PELI1: variants seen among roughly 807,000 people sequenced by gnomAD.
The protein encoded by PELI1 is pellino E3 ubiquitin protein ligase 1.
In PELI1, 15 loss-of-function variants were observed where a neutral mutation model predicts 41.3. The ratio of observed to expected loss-of-function variants is 0.36; its 90% CI spans 0.24 to 0.56. The LOEUF is 0.56. Ranked by LOEUF, PELI1 falls within the 20% of genes least tolerant of loss-of-function variation. The probability of loss-of-function intolerance (pLI) is 0.82; values close to 1 mark genes in which losing one functional copy is unlikely to be tolerated. For missense variants in PELI1, 403 were observed against 525.5 expected (o/e 0.77, Z 2.28); for synonymous variants, 178 against 180.1 (o/e 0.99, Z 0.09).
chr2:64,109,146 C>G (rs1407082423), intron 1 of PELI1, among the ~76,000 whole-genome samples: 2 of 152,182 alleles, frequency 1.3e-5, no homozygotes, highest in African/African-American at 4.8e-5. Context: ...CTTCCACCCC[C>G]ACCCAGCAAT....
intron 1 of PELI1, among the ~76,000 whole-genome samples, chr2:64,114,388 A>C (rs1427898707): frequency 3.9e-5 from 6 of 152,206 alleles, no homozygotes; most frequent in Admixed American, 3.9e-4. Flanking sequence ...AGCAGGAGTA[A>C]CACATAGCAT....
chr2:64,132,170 C>T (rs1239288460), intron 1 of PELI1, among the ~76,000 whole-genome samples: 1 of 152,060 alleles, frequency 6.6e-6, no homozygotes, highest in Non-Finnish European at 1.5e-5. Context: ...TCTTGAGTAC[C>T]TACTTTATGC....
At chr2:64,102,559 A>T (rs1345598433) in intron 3 of PELI1, among the ~76,000 whole-genome samples, 1 of 152,184 alleles carries the variant, frequency 6.6e-6, no homozygotes, top group African/African-American at 2.4e-5. Flanking sequence ...CTTTTCAATG[A>T]AACAATTACT....
At chr2:64,141,394 G>C (rs1681910484) in intron 1 of PELI1, among the ~76,000 whole-genome samples, 1 of 141,978 alleles carries the variant, frequency 7.0e-6, no homozygotes, top group Non-Finnish European at 1.5e-5. Context: ...AAATATATCT[G>C]TATAATAAAA....
intron 1 of PELI1, among the ~76,000 whole-genome samples, chr2:64,138,372 G>A (rs965039277): frequency 2.1e-4 from 32 of 152,108 alleles, no homozygotes; most frequent in Non-Finnish European, 2.1e-4. Context: ...ACCTCCTTCA[G>A]GTCATTACTC....
chr2:64,095,127 C>T lies in PELI1; in HGVS notation c.832G>A (p.Ala278Thr), dbSNP rs1228040753. The change falls in exon 7 of 7, where the codon GCA becomes ACA. Residue 278 changes from alanine to threonine, a missense_variant. By Grantham distance (58) the Ala-to-Thr change is moderately conservative (BLOSUM62 0). Coordinates refer to ENST00000358912, the MANE Select transcript of PELI1 (RefSeq NM_020651.4). Reference protein sequence around the residue: ...LEALRQEINAARPQCPVGFNT... With the variant: ...LEALRQEINATRPQCPVGFNT... ...AACCCTACAGGGCACTGAGGTCGTG[C>T]TGCATTGATTTCCTGTCTTAAAGCT... 1.9e-6 allele frequency: 3 copies of T among 1,614,126 alleles called. No individual in the cohort carries two copies. In the South Asian group the frequency reaches 3.3e-5, roughly 18 times the overall value.
chr2:64,095,477 ATG>A (rs1265377389), intron 6 of PELI1, among the ~76,000 whole-genome samples: 2 of 152,216 alleles, frequency 1.3e-5, no homozygotes, highest in Non-Finnish European at 2.9e-5. Context: ...TTTTAGCCTT[ATG>A]GTAAAGACAA....
chr2:64,094,378 A>C lies in PELI1; in HGVS notation c.*324T>G, dbSNP rs1680152953. 4.5e-6 allele frequency: 1 copy of C among 220,654 alleles called. No individual in the cohort carries two copies. Among genetic ancestry groups the C allele is most frequent in the South Asian group, 9.5e-5 (1 of 10,558 alleles). 13.7% of individuals were successfully genotyped at this position (220,654 alleles called of 1,614,324 possible). On this transcript the variant is annotated 3_prime_UTR_variant, in exon 7 of 7. Transcript: ENST00000358912. ...CATAGTTTGAACCAACAGTACCCTC[A>C]GTTATACAAAACAATTTCAGCACTG... is the stretch of plus-strand genomic sequence containing the variant.
chr2:64,122,355 A>C (rs1169903284), intron 1 of PELI1, among the ~76,000 whole-genome samples: 7 of 150,902 alleles, frequency 4.6e-5, no homozygotes, highest in Admixed American at 1.3e-4. Flanking sequence ...AAAAAAAAAA[A>C]AAAAAACTCC....
At chr2:64,135,038 C>T (rs1241460039) in intron 1 of PELI1, among the ~76,000 whole-genome samples, 1 of 151,962 alleles carries the variant, frequency 6.6e-6, no homozygotes, top group Admixed American at 6.6e-5. Flanking sequence ...TCTTGACTGT[C>T]AAAGAGATGC....
chr2:64,106,008 T>A (rs1015027041), intron 2 of PELI1, among the ~76,000 whole-genome samples: 3 of 152,338 alleles, frequency 2.0e-5, no homozygotes, highest in African/African-American at 7.2e-5. Flanking sequence ...GAAACTACAT[T>A]GACCCTTTAT....
chr2:64,097,627 G>A (rs1047453681), intron 4 of PELI1, among the ~76,000 whole-genome samples: 1 of 152,178 alleles, frequency 6.6e-6, no homozygotes, highest in Non-Finnish European at 1.5e-5. Context: ...CAAACATTTG[G>A]AAATTATCAG....
intron 1 of PELI1, among the ~76,000 whole-genome samples, chr2:64,133,216 T>TAC (rs1681608758): frequency 6.6e-6 from 1 of 152,204 alleles, no homozygotes; most frequent in Admixed American, 6.5e-5. Flanking sequence ...CCATGAGTTT[T>TAC]CTTCAATCAT....
intron 1 of PELI1, among the ~76,000 whole-genome samples, chr2:64,142,952 T>TA (rs1356779845): frequency 6.6e-6 from 1 of 152,206 alleles, no homozygotes; most frequent in Non-Finnish European, 1.5e-5. Context: ...TTCTTATATA[T>TA]AAAGCTTCAG....
Position 64,093,683 on chromosome 2 carries a change from C to A in PELI1, c.*1019G>T, listed in dbSNP as rs1680128031. 6.6e-6 allele frequency: 1 copy of A among 152,638 alleles called. No homozygotes were observed. Among genetic ancestry groups the A allele is most frequent in the Non-Finnish European group, 1.5e-5 (1 of 68,042 alleles). The allele number at this position is 152,638 out of a possible 1,614,324, so 9.5% of individuals were successfully genotyped here. ...TATTGTCATTCAACCCTTTAGATCT[C>A]TAGATTTCCTAATGCCCGAATAAGG... is the stretch of plus-strand genomic sequence containing the variant. On this transcript the variant is annotated 3_prime_UTR_variant, in exon 7 of 7. Transcript: ENST00000358912.
At chr2:64,133,018 C>A (rs1681602771) in intron 1 of PELI1, among the ~76,000 whole-genome samples, 1 of 152,172 alleles carries the variant, frequency 6.6e-6, no homozygotes, top group Non-Finnish European at 1.5e-5. Flanking sequence ...AGCTAGAACT[C>A]AGGCCTCTTT....
At chr2:64,119,016 T>TTGCAAAAATATTAAAAATGAACAGC (rs1681114926) in intron 1 of PELI1, among the ~76,000 whole-genome samples, 1 of 147,472 alleles carries the variant, frequency 6.8e-6, no homozygotes, top group Non-Finnish European at 1.5e-5. Context: ...TGTAGCTTGA[T>TTGCAAAAATATTAAAAATGAACAGC]TGCAAAAATA....
chr2:64,108,023 G>A (rs1448579656), intron 2 of PELI1, among the ~76,000 whole-genome samples: 4 of 152,136 alleles, frequency 2.6e-5, no homozygotes, highest in Non-Finnish European at 4.4e-5. Context: ...GTGGGTAAGG[G>A]TGAGACAAAG....
At chr2:64,098,638 T>G (rs1680321042) in intron 4 of PELI1, among the ~76,000 whole-genome samples, 1 of 152,226 alleles carries the variant, frequency 6.6e-6, no homozygotes. Context: ...CACCTAGGCA[T>G]GTAATCAGCT....
Sources: allele counts gnomAD v4.1 joint callset (sites outside exome capture counted in the v4.1 genomes callset), GRCh38; gene constraint gnomAD v4.1.1; transcripts MANE v1.5; gene names NCBI Gene and HGNC (gene_info 2026-07-23, HGNC 2026-07-21).